Variants in CTTNBP2 observed in about 807,000 individuals in gnomAD.
The protein encoded by CTTNBP2 is cortactin binding protein 2.
CTTNBP2 carries 108 observed loss-of-function variants against 156.9 expected under a neutral mutation model. That is an observed-to-expected ratio of 0.69 (90% CI 0.59 to 0.81). The LOEUF is 0.81. Among genes scored for constraint, CTTNBP2 ranks in the 30% least tolerant of loss-of-function variants. The probability of loss-of-function intolerance (pLI) is 0.00; values close to 1 mark genes in which losing one functional copy is unlikely to be tolerated. For missense variants in CTTNBP2, 1,924 were observed against 2,035.4 expected (o/e 0.95, Z 1.05); for synonymous variants, 767 against 751.8 (o/e 1.02, Z -0.33).
At chr7:117,820,514 T>A (rs1800894763) in intron 2 of CTTNBP2, among the ~76,000 whole-genome samples, 1 of 152,250 alleles carries the variant, frequency 6.6e-6, no homozygotes, top group South Asian at 2.1e-4. Context: ...TATATTTAGC[T>A]TTTAAGTTCA....
At chr7:117,811,014 T>C in intron 2 of CTTNBP2, 25 bp from the exon 3 acceptor site, 1 of 1,518,678 alleles carries the variant, frequency 6.6e-7, no homozygotes, top group South Asian at 1.1e-5. Context: ...GAGAAATGTA[T>C]TGAAGAAAGA....
intron 5 of CTTNBP2, 128 bp downstream of exon 5, chr7:117,784,123 A>C (rs1238274373): frequency 1.6e-6 from 1 of 621,370 alleles, no homozygotes; most frequent in African/African-American, 1.9e-5. Flanking sequence ...GTTTAAAAAA[A>C]CTATCCATTA....
chr7:117,784,181 C>A (rs972146803), intron 5 of CTTNBP2, 70 bp downstream of exon 5: 14 of 1,192,714 alleles, frequency 1.2e-5, no homozygotes, highest in Non-Finnish European at 1.6e-5. Context: ...CTGCTCATTA[C>A]AATTGATACA....
At chr7:117,759,372 A>G (rs1295791383) in intron 10 of CTTNBP2, among the ~76,000 whole-genome samples, 1 of 152,144 alleles carries the variant, frequency 6.6e-6, no homozygotes, top group Non-Finnish European at 1.5e-5. Context: ...TCATCCTCCC[A>G]AAGCACTTGG....
intron 2 of CTTNBP2, among the ~76,000 whole-genome samples, chr7:117,841,564 T>A (rs1802280037): frequency 6.6e-6 from 1 of 152,158 alleles, no homozygotes; most frequent in African/African-American, 2.4e-5. Flanking sequence ...CCCCCACACA[T>A]TGAATCCCAA....
In CTTNBP2 at chr7:117,844,353, G is replaced by T. The variant is rs11980952; in HGVS notation, c.189+16856C>A. Among the ~76,000 whole-genome samples, 1,017 of 152,314 alleles carry T rather than the reference G, an allele frequency of 6.7e-3. 4 individuals are homozygous for T. Among genetic ancestry groups the T allele is most frequent in the Non-Finnish European group, 0.012 (807 of 68,026 alleles). ...CAATAGGAAACTAATACAGGTTGGG[G>T]TAAGTGGAGATGGGGTGAAGCAGGA... On this transcript the variant is annotated intron_variant, in intron 2 of 22. Transcript: ENST00000160373.
At chr7:117,864,494 G>A (rs777541231) in intron 1 of CTTNBP2, among the ~76,000 whole-genome samples, 1 of 151,138 alleles carries the variant, frequency 6.6e-6, no homozygotes, top group African/African-American at 2.4e-5. Context: ...GCAAAACAGG[G>A]TTAAAAAAAG....
chr7:117,730,578 G>C, intron 16 of CTTNBP2, among the ~76,000 whole-genome samples: 1 of 152,178 alleles, frequency 6.6e-6, no homozygotes, highest in East Asian at 1.9e-4. Context: ...TCAAATACAA[G>C]CTGAGAACTA....
At chr7:117,834,492 A>G (rs1319457807) in intron 2 of CTTNBP2, among the ~76,000 whole-genome samples, 1 of 152,128 alleles carries the variant, frequency 6.6e-6, no homozygotes, top group East Asian at 1.9e-4. Context: ...TTTTTTCCCT[A>G]TTTATGACTC....
intron 21 of CTTNBP2, 124 bp from the exon 22 acceptor site, chr7:117,718,243 G>A (rs1794568628): frequency 1.8e-6 from 1 of 553,042 alleles, no homozygotes; most frequent in Non-Finnish European, 3.2e-6. Context: ...TGCCCCTCAA[G>A]TCCTGAACTG....
At chr7:117,851,996 T>A (rs959685640) in intron 2 of CTTNBP2, among the ~76,000 whole-genome samples, 2 of 152,176 alleles carry the variant, frequency 1.3e-5, no homozygotes, top group African/African-American at 4.8e-5. Flanking sequence ...AATCTAAAAC[T>A]AGATTCTGTT....
chr7:117,716,856 G>C (rs1257196155), intron 22 of CTTNBP2, among the ~76,000 whole-genome samples: 2 of 152,138 alleles, frequency 1.3e-5, no homozygotes, highest in African/African-American at 4.8e-5. Flanking sequence ...AGCAGTGAGG[G>C]AGCGGGGCTG....
At chr7:117,735,660 A>G (rs1420501741) in intron 14 of CTTNBP2, among the ~76,000 whole-genome samples, 1 of 152,236 alleles carries the variant, frequency 6.6e-6, no homozygotes, top group Non-Finnish European at 1.5e-5. Flanking sequence ...AATGGAATCA[A>G]CCCAATGTCC....
chr7:117,744,181 C>T (rs1193791340), intron 14 of CTTNBP2, among the ~76,000 whole-genome samples: 2 of 152,150 alleles, frequency 1.3e-5, no homozygotes, highest in South Asian at 2.1e-4. Context: ...CAATTACCTC[C>T]TTCTAGTTAT....
chr7:117,766,955 A>C, intron 9 of CTTNBP2, 104 bp downstream of exon 9: 1 of 718,880 alleles, frequency 1.4e-6, no homozygotes, highest in East Asian at 2.5e-5. Context: ...GGCTCCAAAA[A>C]GGTTAAAAAG....
At chr7:117,812,524 C>G (rs575013702) in intron 2 of CTTNBP2, among the ~76,000 whole-genome samples, 197 of 151,972 alleles carry the variant, frequency 1.3e-3, no homozygotes, top group African/African-American at 4.3e-3. Flanking sequence ...CTTTCCTTAT[C>G]ATCAACTTAG....
At chr7:117,835,521 C>T (rs1478470817) in intron 2 of CTTNBP2, among the ~76,000 whole-genome samples, 1 of 152,058 alleles carries the variant, frequency 6.6e-6, no homozygotes, top group Admixed American at 6.6e-5. Flanking sequence ...CAGCTGTTTC[C>T]CTCACTTCCC....
chr7:117,766,671 C>G (rs1481340314), intron 9 of CTTNBP2, among the ~76,000 whole-genome samples: 3 of 152,236 alleles, frequency 2.0e-5, no homozygotes, highest in East Asian at 3.9e-4. Flanking sequence ...AAGTAGGCGA[C>G]CAGGTGCTGG....
chr7:117,867,442 T>G (rs920776291), intron 1 of CTTNBP2, among the ~76,000 whole-genome samples: 2 of 152,120 alleles, frequency 1.3e-5, no homozygotes, highest in Non-Finnish European at 2.9e-5. Flanking sequence ...CATAGTAAAC[T>G]TATTATCTCT....
Sources: allele counts gnomAD v4.1 joint callset (sites outside exome capture counted in the v4.1 genomes callset), GRCh38; gene constraint gnomAD v4.1.1; transcripts MANE v1.5; gene names NCBI Gene and HGNC (gene_info 2026-07-23, HGNC 2026-07-21).